Variants in CDKL4 observed in about 807,000 individuals in gnomAD.
CDKL4 encodes the protein cyclin dependent kinase like 4.
A neutral mutation model predicts 42.0 loss-of-function variants in CDKL4; 44 were observed. The ratio of observed to expected loss-of-function variants is 1.05; its 90% CI spans 0.82 to 1.35. The LOEUF is 1.35. Ranked by LOEUF, CDKL4 falls within the 40% of genes most tolerant of loss-of-function variation. The pLI is 0.00. For missense variants in CDKL4, 393 were observed against 369.9 expected, an observed-to-expected ratio of 1.06 and a Z score of -0.51; for synonymous variants, 120 against 121.6, an observed-to-expected ratio of 0.99 and a Z score of 0.09.
chr2:39,206,737 C>T (rs1420790035), intron 4 of CDKL4, among the ~76,000 whole-genome samples: 2 of 152,204 alleles, frequency 1.3e-5, no homozygotes, highest in East Asian at 1.9e-4. Context: ...TTGCAACAAT[C>T]CTGTGATTGC....
At chr2:39,172,599 TGAGACGGAG>T (rs1434601001), downstream of CDKL4, among the ~76,000 whole-genome samples, 1 of 152,176 alleles carries the variant, frequency 6.6e-6, no homozygotes, top group Non-Finnish European at 1.5e-5. Context: ...TTCTTTTTTT[TGAGACGGAG>T]TCTTGCTCTG....
At chr2:39,214,236 T>C (rs899573254) in intron 3 of CDKL4, among the ~76,000 whole-genome samples, 7 of 152,194 alleles carry the variant, frequency 4.6e-5, no homozygotes, top group Non-Finnish European at 8.8e-5. Flanking sequence ...ATTTACTTTT[T>C]AACTTTAATT....
exon 3 of CDKL4, chr2:39,225,855 C>T: frequency 3.1e-6 from 5 of 1,602,674 alleles, no homozygotes; most frequent in Non-Finnish European, 4.3e-6. Flanking sequence ...GGGTTTCTTT[C>T]CAGCTCATTT....
At chr2:39,172,421 A>G (rs1675026266), downstream of CDKL4, among the ~76,000 whole-genome samples, 1 of 152,044 alleles carries the variant, frequency 6.6e-6, no homozygotes, top group South Asian at 2.1e-4. Context: ...GGTGTGAGAG[A>G]ATTTGTGTAG....
chr2:39,224,712 C>T (rs1678586477), intron 3 of CDKL4, among the ~76,000 whole-genome samples: 1 of 152,014 alleles, frequency 6.6e-6, no homozygotes, highest in South Asian at 2.1e-4. Flanking sequence ...CCATGTTGGC[C>T]AGGCTTGTCT....
chr2:39,189,886 AG>A (rs1224964491), intron 6 of CDKL4, among the ~76,000 whole-genome samples: 2 of 152,222 alleles, frequency 1.3e-5, no homozygotes, highest in African/African-American at 4.8e-5. Context: ...TTTACCATAT[AG>A]CTTTTTATAG....
chr2:39,202,827 T>C (rs911863524), intron 5 of CDKL4, among the ~76,000 whole-genome samples: 3 of 152,198 alleles, frequency 2.0e-5, no homozygotes, highest in Non-Finnish European at 4.4e-5. Flanking sequence ...CCCCCTCCTT[T>C]GCCTTTCTCA....
At chr2:39,199,643 A>G (rs1041161487) in intron 5 of CDKL4, among the ~76,000 whole-genome samples, 2 of 152,228 alleles carry the variant, frequency 1.3e-5, no homozygotes, top group African/African-American at 4.8e-5. Context: ...ATCCACCATG[A>G]TCAAGTGGAT....
At chr2:39,190,125 T>A (rs1376914225) in intron 6 of CDKL4, among the ~76,000 whole-genome samples, 180 bp downstream of exon 6, 1 of 152,238 alleles carries the variant, frequency 6.6e-6, no homozygotes, top group Non-Finnish European at 1.5e-5. Flanking sequence ...CGGTTCTGCA[T>A]GTTTAGAAAA....
At chr2:39,201,833 C>T (rs942114209) in intron 5 of CDKL4, among the ~76,000 whole-genome samples, 6 of 152,032 alleles carry the variant, frequency 3.9e-5, no homozygotes, top group African/African-American at 1.5e-4. Flanking sequence ...GGGACTCAGC[C>T]GAAAGGGTCG....
At chr2:39,177,119 G>T (rs1675197032) in intron 9 of CDKL4, among the ~76,000 whole-genome samples, 1 of 152,170 alleles carries the variant, frequency 6.6e-6, no homozygotes, top group African/African-American at 2.4e-5. Flanking sequence ...TGCCCTTTGT[G>T]TTTCTTTCCT....
At chr2:39,170,049 A>T in the CDKL4 span, among the ~76,000 whole-genome samples, 1 of 152,094 alleles carries the variant, frequency 6.6e-6, no homozygotes, top group Non-Finnish European at 1.5e-5. Context: ...TTTGTGGTAG[A>T]GACAGAGTTT....
chr2:39,225,591 T>C (rs181244962), intron 3 of CDKL4, among the ~76,000 whole-genome samples: 1 of 152,310 alleles, frequency 6.6e-6, no homozygotes, highest in East Asian at 1.9e-4. Flanking sequence ...ACTCAGATAA[T>C]CCAATACATA....
chr2:39,243,579 T>C (rs1377121106), intron 1 of CDKL4, among the ~76,000 whole-genome samples: 2 of 152,264 alleles, frequency 1.3e-5, no homozygotes, highest in Non-Finnish European at 2.9e-5. Flanking sequence ...GACAGTTCTC[T>C]TTCTCGGCCA....
chr2:39,192,997 A>G (rs1302651857), intron 5 of CDKL4, among the ~76,000 whole-genome samples: 1 of 151,870 alleles, frequency 6.6e-6, no homozygotes, highest in Non-Finnish European at 1.5e-5. Context: ...GCATGGTAGC[A>G]TGTGCCTGTG....
intron 5 of CDKL4, among the ~76,000 whole-genome samples, chr2:39,200,053 T>C (rs1462111169): frequency 6.6e-6 from 1 of 152,168 alleles, no homozygotes; most frequent in Non-Finnish European, 1.5e-5. Context: ...AAACTTTTGC[T>C]GTTGGCTGAT....
At chr2:39,184,138 C>G (rs1202949832) in intron 8 of CDKL4, among the ~76,000 whole-genome samples, 1 of 152,232 alleles carries the variant, frequency 6.6e-6, no homozygotes, top group Admixed American at 6.5e-5. Context: ...CTACTGTAGA[C>G]AGAACTTAAT....
chr2:39,210,523 T>C (rs997380531), intron 4 of CDKL4, among the ~76,000 whole-genome samples: 6 of 152,116 alleles, frequency 3.9e-5, no homozygotes, highest in African/African-American at 1.4e-4. Context: ...AGTTATTCAA[T>C]AAATATTTAT....
intron 3 of CDKL4, among the ~76,000 whole-genome samples, chr2:39,218,072 C>T (rs1678047492): frequency 6.6e-6 from 1 of 151,744 alleles, no homozygotes; most frequent in Non-Finnish European, 1.5e-5. Context: ...CTGTTAATAA[C>T]ATTTTACTTC....
Sources: gnomAD v4.1 joint callset for allele counts (sites outside exome capture counted in the v4.1 genomes callset) on GRCh38, gnomAD v4.1.1 for gene constraint, MANE v1.5 for transcripts, NCBI Gene and HGNC (gene_info 2026-07-23, HGNC 2026-07-21) for gene names.